The following ASIC2 variants were observed in gnomAD, a reference collection of about 807,000 sequenced individuals.
ASIC2 encodes acid sensing ion channel subunit 2.
ASIC2 carries 25 observed loss-of-function variants against 57.3 expected under a neutral mutation model. The observed-to-expected ratio is 0.44, with a 90% CI of 0.32 to 0.61. ASIC2 has a LOEUF of 0.61. ASIC2 is among the 20% of genes least tolerant of loss of function. The pLI is 0.06. For synonymous variants in ASIC2, 319 were observed against 307.5 expected (o/e 1.04, Z -0.39); for missense variants, 641 against 738.1 (o/e 0.87, Z 1.52).
chr17:33,958,638 G>A (rs772433520), intron 1 of ASIC2, among the ~76,000 whole-genome samples: 2 of 152,128 alleles, frequency 1.3e-5, no homozygotes, highest in Non-Finnish European at 2.9e-5. Flanking sequence ...ACTGAAGGGG[G>A]GGTCTTGGAC....
chr17:34,011,019 AAAGT>A (rs1906708349), intron 1 of ASIC2, among the ~76,000 whole-genome samples: 6 of 2,240 alleles, frequency 2.7e-3, no homozygotes, highest in East Asian at 9.1e-3. Flanking sequence ...CACAGATGCC[AAAGT>A]CAGACACATG....
intron 3 of ASIC2, among the ~76,000 whole-genome samples, chr17:33,029,207 A>T (rs2091871039): frequency 6.6e-6 from 1 of 152,256 alleles, no homozygotes; most frequent in African/African-American, 2.4e-5. Context: ...GTGTTTGCCC[A>T]TGTAACCAGC....
intron 1 of ASIC2, among the ~76,000 whole-genome samples, chr17:33,731,510 C>T (rs564186773): frequency 6.6e-6 from 1 of 152,136 alleles, no homozygotes; most frequent in Non-Finnish European, 1.5e-5. Context: ...TCCCTGCTGC[C>T]TCCATCTATG....
At chr17:33,696,479 C>A (rs1908532560) in intron 1 of ASIC2, among the ~76,000 whole-genome samples, 1 of 152,160 alleles carries the variant, frequency 6.6e-6, no homozygotes, top group African/African-American at 2.4e-5. Flanking sequence ...GAGGGGAAAG[C>A]ACTAGGTAAC....
At chr17:34,024,628 GT>G (rs766414576) in intron 1 of ASIC2, among the ~76,000 whole-genome samples, 2 of 152,208 alleles carry the variant, frequency 1.3e-5, no homozygotes, top group Non-Finnish European at 2.9e-5. Context: ...TCTGCTCTGG[GT>G]TTCCATTGCC....
At chr17:33,084,379 G>A (rs915200332) in intron 3 of ASIC2, among the ~76,000 whole-genome samples, 1 of 151,956 alleles carries the variant, frequency 6.6e-6, no homozygotes, top group Non-Finnish European at 1.5e-5. Flanking sequence ...GAAAAGACCA[G>A]CCTGCCAGCC....
intron 1 of ASIC2, among the ~76,000 whole-genome samples, chr17:33,624,600 G>A (rs372964203): frequency 4.6e-5 from 7 of 152,356 alleles, no homozygotes; most frequent in South Asian, 2.1e-4. Context: ...GAGAAGGAGC[G>A]TTGGAAGAAG....
rs969594053 is a variant in ASIC2, at chr17:33,344,932, G to T, written c.556-232865C>A. On this transcript the variant is annotated intron_variant, in intron 1 of 9. Coordinates refer to the ASIC2 transcript ENST00000359872. Reference sequence around the variant, plus strand: ...CCACTATATATGCAACAAAACCTTGGTTTTTTTTTTTTTAGCTGGGGACAG... The same window carrying T: ...CCACTATATATGCAACAAAACCTTGTTTTTTTTTTTTTTAGCTGGGGACAG... Among the ~76,000 whole-genome samples, 13 of 145,340 alleles carry T rather than the reference G, an allele frequency of 8.9e-5. No individual in the cohort carries two copies. In the East Asian group the frequency reaches 1.4e-3, roughly 16 times the overall value.
chr17:33,483,101 T>G (rs1913459688), intron 1 of ASIC2, among the ~76,000 whole-genome samples: 1 of 152,092 alleles, frequency 6.6e-6, no homozygotes, highest in Admixed American at 6.5e-5. Flanking sequence ...AGAAAAGCTG[T>G]GGCTGAGTGG....
intron 1 of ASIC2, among the ~76,000 whole-genome samples, chr17:33,766,484 A>G (rs1446757045): frequency 6.6e-6 from 1 of 152,200 alleles, no homozygotes; most frequent in Non-Finnish European, 1.5e-5. Flanking sequence ...TAATCCAGGA[A>G]CAATGGGCTT....
chr17:33,026,893 A>G (rs576011636), intron 4 of ASIC2, among the ~76,000 whole-genome samples: 6 of 152,306 alleles, frequency 3.9e-5, no homozygotes, highest in African/African-American at 1.4e-4. Context: ...TTCCAAAAAC[A>G]ACAGATTAAA....
At chr17:34,034,093 A>G (rs1458624175) in intron 1 of ASIC2, among the ~76,000 whole-genome samples, 1 of 152,246 alleles carries the variant, frequency 6.6e-6, no homozygotes, top group Non-Finnish European at 1.5e-5. Context: ...CTTGATAAAC[A>G]TCAATACAAA....
At chr17:33,043,534 C>T (rs2091938083) in intron 3 of ASIC2, among the ~76,000 whole-genome samples, 1 of 152,188 alleles carries the variant, frequency 6.6e-6, no homozygotes, top group Admixed American at 6.5e-5. Context: ...ACCAATCAAT[C>T]ACAGACACTG....
chr17:33,951,492 A>G (rs771536980), intron 1 of ASIC2, among the ~76,000 whole-genome samples: 1 of 152,180 alleles, frequency 6.6e-6, no homozygotes, highest in African/African-American at 2.4e-5. Flanking sequence ...TAAGAAAGAA[A>G]GCAGGGCCAC....
At chr17:33,270,409 C>T (rs1240615439) in intron 1 of ASIC2, among the ~76,000 whole-genome samples, 1 of 152,194 alleles carries the variant, frequency 6.6e-6, no homozygotes, top group East Asian at 1.9e-4. Context: ...TATCCTCTCC[C>T]TGCCTTGCTG....
At chr17:33,075,105 G>A (rs1025574006) in intron 3 of ASIC2, among the ~76,000 whole-genome samples, 1 of 152,156 alleles carries the variant, frequency 6.6e-6, no homozygotes, top group Non-Finnish European at 1.5e-5. Context: ...ATTCCCATGT[G>A]TTGTGGGAGG....
chr17:33,715,059 G>A (rs1444998934), intron 1 of ASIC2, among the ~76,000 whole-genome samples: 2 of 150,980 alleles, frequency 1.3e-5, no homozygotes, highest in African/African-American at 2.4e-5. Flanking sequence ...AAGTGCAGTG[G>A]CAGGATCACA....
intron 1 of ASIC2, among the ~76,000 whole-genome samples, chr17:33,972,237 AT>A (rs1905245608): frequency 6.6e-6 from 1 of 152,212 alleles, no homozygotes; most frequent in Admixed American, 6.5e-5. Flanking sequence ...CCATGTATGA[AT>A]CCCCCAAAGG....
intron 1 of ASIC2, among the ~76,000 whole-genome samples, chr17:33,242,523 A>G (rs1207901997): frequency 1.3e-5 from 2 of 152,092 alleles, no homozygotes; most frequent in African/African-American, 4.8e-5. Context: ...CAAGGACTTA[A>G]ACAACTTCTC....
Sources: gnomAD v4.1 joint callset for allele counts (sites outside exome capture counted in the v4.1 genomes callset) on GRCh38, gnomAD v4.1.1 for gene constraint, MANE v1.5 for transcripts, NCBI Gene and HGNC (gene_info 2026-07-23, HGNC 2026-07-21) for gene names.